Variants in EML1 observed in about 807,000 individuals in gnomAD.
The protein encoded by EML1 is EMAP like 1.
A neutral mutation model predicts 110.4 loss-of-function variants in EML1; 27 were observed. The observed-to-expected ratio is 0.24, with a 90% CI of 0.18 to 0.34. The LOEUF (loss-of-function observed/expected upper bound fraction) is 0.34. Among genes scored for constraint, EML1 ranks in the 10% least tolerant of loss-of-function variants. The probability of loss-of-function intolerance (pLI) is 1.00; values close to 1 mark genes in which losing one functional copy is unlikely to be tolerated. For synonymous variants in EML1, 344 were observed against 385.8 expected (o/e 0.89, Z 1.27); for missense variants, 741 against 1,030.9 (o/e 0.72, Z 3.85).
chr14:99,891,266 C>T (rs1427871361), intron 5 of EML1, 39 bp downstream of exon 5: 8 of 1,612,906 alleles, frequency 5.0e-6, no homozygotes, highest in African/African-American at 2.7e-5. Flanking sequence ...ACCCCTCACT[C>T]ACTCTCTCAG....
intron 1 of EML1, among the ~76,000 whole-genome samples, chr14:99,794,525 T>G (rs2057734159): frequency 6.6e-6 from 1 of 152,228 alleles, no homozygotes; most frequent in South Asian, 2.1e-4. Context: ...GGGAAAGTTT[T>G]CTTGTTATTC....
intron 1 of EML1, among the ~76,000 whole-genome samples, chr14:99,758,747 G>A (rs2057283785): frequency 6.6e-6 from 1 of 152,176 alleles, no homozygotes; most frequent in Admixed American, 6.5e-5. Flanking sequence ...GAGAGGCTGA[G>A]GAGCACCGAG....
At chr14:99,928,488 A>T (rs531382801) in intron 17 of EML1, among the ~76,000 whole-genome samples, 3 of 152,058 alleles carry the variant, frequency 2.0e-5, no homozygotes, top group Admixed American at 2.0e-4. Context: ...AGGAGATCAC[A>T]ATATGGGTGT....
upstream of EML1, among the ~76,000 whole-genome samples, chr14:99,768,268 T>A (rs1017866562): frequency 3.9e-5 from 6 of 152,122 alleles, no homozygotes; most frequent in African/African-American, 1.4e-4. Flanking sequence ...CTCAAGGGTG[T>A]GCTATTCTTA....
intron 1 of EML1, among the ~76,000 whole-genome samples, chr14:99,753,274 T>C (rs892451199): frequency 6.9e-6 from 1 of 145,644 alleles, no homozygotes; most frequent in Admixed American, 6.9e-5. Flanking sequence ...CCAGTGGCCA[T>C]GGTTGGCGCT....
chr14:99,928,215 A>ATGGTGGTGGTGGTGGTGGTGGTGG (rs1186228335), intron 17 of EML1, among the ~76,000 whole-genome samples: 1 of 3,360 alleles, frequency 3.0e-4, no homozygotes, highest in Non-Finnish European at 4.7e-4. Flanking sequence ...GGTGATGGTG[A>ATGGTGGTGGTGGTGGTGGTGGTGG]TGGTGGTGGT....
intron 3 of EML1, among the ~76,000 whole-genome samples, chr14:99,866,429 G>A (rs1474175174): frequency 6.6e-6 from 1 of 152,124 alleles, no homozygotes; most frequent in Non-Finnish European, 1.5e-5. Context: ...AATTATCTGA[G>A]CGTGGTGGCA....
At chr14:99,845,192 A>T (rs552987224) in intron 1 of EML1, among the ~76,000 whole-genome samples, 5 of 152,226 alleles carry the variant, frequency 3.3e-5, no homozygotes, top group Admixed American at 2.6e-4. Flanking sequence ...CAGCATTTTT[A>T]CTTTTAACCA....
At chr14:99,834,346 A>C (rs2058506285) in intron 1 of EML1, among the ~76,000 whole-genome samples, 2 of 150,750 alleles carry the variant, frequency 1.3e-5, no homozygotes, top group African/African-American at 4.9e-5. Flanking sequence ...TCTATCACCC[A>C]GGCTGGAGTG....
rs573497221 is a variant in EML1 at position 99,837,069 on chromosome 14, A to G, written c.68-13784A>G. Among the ~76,000 whole-genome samples the G allele has an allele frequency of 2.0e-5, 3 of 150,642 alleles. No individual in the cohort carries two copies. The South Asian group carries it at 6.3e-4, about 32-fold the overall frequency. ...ATGTAAATGCTGATAAGTACTCACC[A>G]GAAGACTTGAGGGCAGGGTGTGGGA... On this transcript the variant is annotated intron_variant, in intron 1 of 21. Coordinates refer to ENST00000262233, the MANE Select transcript of EML1 (RefSeq NM_004434.3).
intron 2 of EML1, among the ~76,000 whole-genome samples, chr14:99,856,791 A>G (rs72710011): frequency 0.018 from 2,670 of 152,348 alleles, 30 homozygotes; most frequent in Non-Finnish European, 0.023. Flanking sequence ...TCAAATGTGT[A>G]CAAAAGTAGA....
chr14:99,798,540 G>A (rs1222919216), intron 1 of EML1, among the ~76,000 whole-genome samples: 1 of 152,058 alleles, frequency 6.6e-6, no homozygotes, highest in Admixed American at 6.6e-5. Context: ...TTACAGGCGT[G>A]TGCCACCAGC....
intron 17 of EML1, among the ~76,000 whole-genome samples, chr14:99,925,466 A>G (rs981196962): frequency 6.6e-6 from 1 of 151,970 alleles, no homozygotes; most frequent in Non-Finnish European, 1.5e-5. Flanking sequence ...CTCTAAACTG[A>G]AACTCCTGGG....
At chr14:99,828,004 T>C (rs555013219) in intron 1 of EML1, among the ~76,000 whole-genome samples, 18 of 152,294 alleles carry the variant, frequency 1.2e-4, no homozygotes, top group Admixed American at 2.0e-4. Flanking sequence ...GTGCTTGCAG[T>C]CTAGGTCTTG....
intron 1 of EML1, among the ~76,000 whole-genome samples, chr14:99,786,865 A>G (rs1035844678): frequency 6.6e-6 from 1 of 152,206 alleles, no homozygotes; most frequent in Admixed American, 6.5e-5. Flanking sequence ...AGGGCTGGGT[A>G]AACCAGGACA....
intron 3 of EML1, chr14:99,874,855 A>G: frequency 5.7e-6 from 8 of 1,410,766 alleles, no homozygotes; most frequent in East Asian, 2.4e-5. Flanking sequence ...ACTGAAGCTT[A>G]TCAAAATACT....
At chr14:99,865,294 A>T (rs1255249115) in intron 2 of EML1, among the ~76,000 whole-genome samples, 1 of 152,168 alleles carries the variant, frequency 6.6e-6, no homozygotes, top group Non-Finnish European at 1.5e-5. Context: ...TTGCACTCCT[A>T]TGAGAATCTA....
At chr14:99,778,283 C>A (rs1190384058) in intron 1 of EML1, among the ~76,000 whole-genome samples, 2 of 152,174 alleles carry the variant, frequency 1.3e-5, no homozygotes, top group African/African-American at 4.8e-5. Flanking sequence ...TCAAACACTA[C>A]TCAAAGTTAA....
chr14:99,778,961 G>A (rs186700317), intron 1 of EML1, among the ~76,000 whole-genome samples: 18 of 152,254 alleles, frequency 1.2e-4, no homozygotes, highest in East Asian at 1.9e-4. Flanking sequence ...GCTGATGGAC[G>A]TAACATTTGG....
Sources: gnomAD v4.1 joint callset for allele counts (sites outside exome capture counted in the v4.1 genomes callset) on GRCh38, gnomAD v4.1.1 for gene constraint, MANE v1.5 for transcripts, NCBI Gene and HGNC (gene_info 2026-07-23, HGNC 2026-07-21) for gene names.